The following SCOC variants were observed in gnomAD, a reference collection of about 807,000 sequenced individuals.
SCOC encodes short coiled-coil protein.
A neutral mutation model predicts 9.9 loss-of-function variants in SCOC; 7 were observed. The ratio of observed to expected loss-of-function variants is 0.71; its 90% confidence interval spans 0.40 to 1.33. The LOEUF (loss-of-function observed/expected upper bound fraction) is 1.33, where lower values mean the gene tolerates loss of function less well. SCOC is among the 40% of genes most tolerant of loss of function. The pLI, the probability that SCOC is intolerant of heterozygous loss-of-function variation, is 0.01. For missense variants in SCOC, 66 were observed against 89.7 expected (o/e 0.74, Z 1.07); for synonymous variants, 19 against 28.2 (o/e 0.67, Z 1.03).
chr4:140,284,485 T>A (rs1306169301), intron 1 of SCOC: 1 of 152,176 alleles, frequency 6.6e-6, no homozygotes, highest in Non-Finnish European at 1.5e-5. Context: ...GATTAAGTGG[T>A]CCAATTTTTG....
chr4:140,272,614 C>T (rs954566336), intron 1 of SCOC, among the ~76,000 whole-genome samples: 3 of 152,160 alleles, frequency 2.0e-5, no homozygotes, highest in Non-Finnish European at 4.4e-5. Context: ...ATATCCACAG[C>T]GCCTGGCCAT....
chr4:140,272,185 G>A (rs1013291951), intron 1 of SCOC, among the ~76,000 whole-genome samples: 3 of 151,584 alleles, frequency 2.0e-5, no homozygotes, highest in African/African-American at 7.3e-5. Flanking sequence ...GAGTAACTGG[G>A]ACTACAGGTG....
At chr4:140,301,670 G>C (rs1731814761) in intron 1 of SCOC, among the ~76,000 whole-genome samples, 1 of 152,112 alleles carries the variant, frequency 6.6e-6, no homozygotes, top group Admixed American at 6.5e-5. Flanking sequence ...AATCAGACGA[G>C]AGTCTGGGTC....
intron 1 of SCOC, among the ~76,000 whole-genome samples, chr4:140,324,498 TA>T (rs760831002): frequency 3.3e-5 from 5 of 152,096 alleles, no homozygotes; most frequent in Non-Finnish European, 7.4e-5. Context: ...TAAGTACATT[TA>T]AAAAGGTCAA....
intron 2 of SCOC, chr4:140,366,843 G>A (rs903192824): frequency 3.7e-5 from 30 of 818,582 alleles, no homozygotes; most frequent in South Asian, 3.1e-4. Context: ...CAACCTCCAC[G>A]AAGCGCCTGA....
upstream of SCOC, chr4:140,373,302 C>G: frequency 7.2e-7 from 1 of 1,385,206 alleles, no homozygotes; most frequent in Non-Finnish European, 9.3e-7. Flanking sequence ...ATACCAGCCT[C>G]TTTCCTGATT....
At chr4:140,376,863 T>G (rs1271387308) in intron 1 of SCOC, 2 of 152,218 alleles carry the variant, frequency 1.3e-5, no homozygotes, top group African/African-American at 4.8e-5. Context: ...AAGACTACCC[T>G]ATCACTGTAT....
chr4:140,346,473 C>T (rs1298710099), intron 2 of SCOC, among the ~76,000 whole-genome samples: 1 of 152,156 alleles, frequency 6.6e-6, no homozygotes, highest in African/African-American at 2.4e-5. Flanking sequence ...TCGCCTCCCC[C>T]TTATACTGCT....
At chr4:140,376,995 G>A (rs1048651922) in intron 1 of SCOC, among the ~76,000 whole-genome samples, 18 of 152,074 alleles carry the variant, frequency 1.2e-4, no homozygotes, top group African/African-American at 4.3e-4. Flanking sequence ...TAAAATCATT[G>A]GATATGAGAA....
At chr4:140,258,388 G>A (rs538327694) in intron 1 of SCOC, among the ~76,000 whole-genome samples, 1 of 152,264 alleles carries the variant, frequency 6.6e-6, no homozygotes, top group East Asian at 1.9e-4. Flanking sequence ...GTTTCCAAAT[G>A]TATAGGAGAC....
At chr4:140,308,414 A>G (rs910365354) in intron 1 of SCOC, among the ~76,000 whole-genome samples, 1 of 152,158 alleles carries the variant, frequency 6.6e-6, no homozygotes, top group Non-Finnish European at 1.5e-5. Context: ...GACTGTATGC[A>G]CACTGGAGAA....
At chr4:140,313,726 A>G (rs1732225292) in intron 1 of SCOC, among the ~76,000 whole-genome samples, 1 of 152,222 alleles carries the variant, frequency 6.6e-6, no homozygotes, top group Non-Finnish European at 1.5e-5. Context: ...CCCTCTTGCT[A>G]ATACGCAATG....
At chr4:140,320,319 T>G (rs1284768251) in intron 1 of SCOC, among the ~76,000 whole-genome samples, 1 of 152,156 alleles carries the variant, frequency 6.6e-6, no homozygotes. Flanking sequence ...ATAACCCACC[T>G]CTTGTTTAGC....
chr4:140,338,037 C>A (rs1168313203), intron 1 of SCOC, among the ~76,000 whole-genome samples: 1 of 152,122 alleles, frequency 6.6e-6, no homozygotes, highest in Non-Finnish European at 1.5e-5. Flanking sequence ...AACATCGATG[C>A]AAAAATCCTC....
At chr4:140,281,669 C>T (rs535170103) in intron 1 of SCOC, among the ~76,000 whole-genome samples, 4 of 152,306 alleles carry the variant, frequency 2.6e-5, no homozygotes, top group East Asian at 1.9e-4. Flanking sequence ...TGGCCTCCCC[C>T]GTATCTCCAA....
intron 1 of SCOC, among the ~76,000 whole-genome samples, chr4:140,317,102 C>G (rs1227409957): frequency 6.6e-6 from 1 of 152,090 alleles, no homozygotes; most frequent in African/African-American, 2.4e-5. Flanking sequence ...TTCAGGACTG[C>G]TGACATTTTG....
intron 1 of SCOC, among the ~76,000 whole-genome samples, chr4:140,336,263 C>T (rs1469402650): frequency 1.3e-5 from 2 of 152,076 alleles, no homozygotes; most frequent in African/African-American, 4.8e-5. Context: ...ATAAAGTACA[C>T]AATTCAGTGG....
At chr4:140,366,538 T>A (rs966174635) in intron 2 of SCOC, 35 of 1,578,668 alleles carry the variant, frequency 2.2e-5, no homozygotes, top group Non-Finnish European at 3.0e-5. Flanking sequence ...TTTAAAATGA[T>A]CAAAATCTGT....
At chr4:140,277,476 A>G (rs1163481648) in intron 1 of SCOC, among the ~76,000 whole-genome samples, 1 of 152,142 alleles carries the variant, frequency 6.6e-6, no homozygotes, top group Non-Finnish European at 1.5e-5. Flanking sequence ...ATTGTTATGG[A>G]GGGAATATTT....
Sources: gnomAD v4.1 joint callset for allele counts (sites outside exome capture counted in the v4.1 genomes callset) on GRCh38, gnomAD v4.1.1 for gene constraint, MANE v1.5 for transcripts, NCBI Gene and HGNC (gene_info 2026-07-23, HGNC 2026-07-21) for gene names.